EP300: variants seen among roughly 807,000 people sequenced by gnomAD.
The protein encoded by EP300 is histone acetyltransferase p300.
In EP300, 31 loss-of-function variants were observed where a neutral mutation model predicts 264.0. The observed-to-expected ratio is 0.12, with a 90% confidence interval of 0.09 to 0.16. The LOEUF (loss-of-function observed/expected upper bound fraction) is 0.16. Among genes scored for constraint, EP300 ranks in the 10% least tolerant of loss-of-function variants. The pLI is 1.00. For synonymous variants in EP300, 1,340 were observed against 1,045.4 expected (o/e 1.28, Z -5.44); for missense variants, 2,766 against 3,052.9 (o/e 0.91, Z 2.21).
chr22:41,171,009 C>A (rs969994503), intron 27 of EP300, among the ~76,000 whole-genome samples: 16 of 145,896 alleles, frequency 1.1e-4, no homozygotes, highest in Admixed American at 2.8e-4. Context: ...CTACCTCTTG[C>A]ATGTAATTCC....
At chr22:41,138,152 C>G (rs2058962663) in intron 8 of EP300, among the ~76,000 whole-genome samples, 2 of 152,134 alleles carry the variant, frequency 1.3e-5, no homozygotes, top group South Asian at 4.1e-4. Flanking sequence ...TTCTGTTACT[C>G]CTGGTAGAGC....
chr22:41,168,672 C>T (rs375594670), intron 24 of EP300, 49 bp from the exon 25 acceptor site: 21 of 1,614,020 alleles, frequency 1.3e-5, no homozygotes, highest in Admixed American at 1.0e-4. Flanking sequence ...TTGGTGATTC[C>T]AGTCTGAATG....
At chr22:41,109,577 T>C (rs1439171699) in intron 1 of EP300, among the ~76,000 whole-genome samples, 1 of 152,218 alleles carries the variant, frequency 6.6e-6, no homozygotes, top group Non-Finnish European at 1.5e-5. Context: ...TAACAATAGG[T>C]AACATGTTTA....
chr22:41,141,559 T>G (rs2058982350), intron 10 of EP300, among the ~76,000 whole-genome samples: 1 of 152,170 alleles, frequency 6.6e-6, no homozygotes, highest in African/African-American at 2.4e-5. Context: ...AAGTAGCCAG[T>G]AAATGTTTGT....
At chr22:41,135,750 A>G in intron 6 of EP300, 63 bp from the exon 7 acceptor site, 1 of 1,220,162 alleles carries the variant, frequency 8.2e-7, no homozygotes, top group South Asian at 1.2e-5. Flanking sequence ...TTAACTTTAT[A>G]GTATTTATTG....
intron 1 of EP300, among the ~76,000 whole-genome samples, chr22:41,110,863 A>T (rs2058786196): frequency 6.6e-6 from 1 of 151,164 alleles, no homozygotes; most frequent in South Asian, 2.1e-4. Flanking sequence ...AATACTGAGG[A>T]TTTCTAAGTG....
At chr22:41,111,426 G>A (rs1235891344) in intron 1 of EP300, among the ~76,000 whole-genome samples, 2 of 152,144 alleles carry the variant, frequency 1.3e-5, no homozygotes, top group East Asian at 1.9e-4. Context: ...CAACAGTTGT[G>A]TATATTCATG....
chr22:41,124,134 G>C (rs1466219650), intron 2 of EP300, among the ~76,000 whole-genome samples: 7 of 152,224 alleles, frequency 4.6e-5, no homozygotes, highest in Admixed American at 4.6e-4. Flanking sequence ...TGTAGTCCCA[G>C]CTACTCAGGC....
chr22:41,178,856 T>C lies in EP300; in HGVS notation c.7145T>C (p.Met2382Thr), dbSNP rs201231297. The C allele has an allele frequency of 2.5e-6, 4 of 1,614,202 alleles. No homozygotes were observed. The African/African-American group carries it at 4.0e-5, about 16-fold the overall frequency. The change falls in exon 31 of 31, where the codon ATG (methionine) becomes ACG (threonine). Residue 2382 changes from methionine (M) to threonine (T), a missense_variant. Coordinates refer to ENST00000263253, the MANE Select transcript of EP300 (RefSeq NM_001429.4). Reference sequence around the variant, plus strand: ...TCTCAGCTTGCTAGCAATCCAGGCATGGCAAACCTCCATGGTGCAAGCGCC... The same window carrying C: ...TCTCAGCTTGCTAGCAATCCAGGCACGGCAAACCTCCATGGTGCAAGCGCC... ...MLSQLASNPG[M>T]ANLHGASATD...
chr22:41,148,764 A>G (rs1361887629), intron 12 of EP300: 3 of 503,188 alleles, frequency 6.0e-6, no homozygotes, highest in East Asian at 3.6e-5. Flanking sequence ...TGTGCTAGGC[A>G]TATTTGTGTA....
intron 3 of EP300, among the ~76,000 whole-genome samples, chr22:41,126,626 T>G (rs964922915): frequency 6.6e-6 from 1 of 152,074 alleles, no homozygotes; most frequent in Non-Finnish European, 1.5e-5. Flanking sequence ...TTTTGTCCTT[T>G]GTGTCATTAT....
Position 41,168,540 on chromosome 22 carries a change from T to C in EP300, c.3966T>C (p.Thr1322=). 1 of 1,614,188 alleles carries C rather than the reference T, an allele frequency of 6.2e-7. No homozygotes were observed. Among genetic ancestry groups the C allele is most frequent in the Non-Finnish European group, 8.5e-7 (1 of 1,180,002 alleles). The change falls in exon 24 of 31, where the codon ACT becomes ACC. Residue 1322 remains threonine, a synonymous_variant. Coordinates refer to ENST00000263253, the MANE Select transcript of EP300 (RefSeq NM_001429.4). ...RQNHPESGEV[T]VRVVHASDKT... ...ATCACCCTGAGTCAGGAGAGGTCAC[T>C]GTTAGAGTAGTTCATGCTTCTGACA...
intron 17 of EP300, among the ~76,000 whole-genome samples, chr22:41,156,472 A>G (rs934324077): frequency 1.3e-5 from 2 of 152,160 alleles, no homozygotes; most frequent in African/African-American, 2.4e-5. Flanking sequence ...TGTAATCCCA[A>G]CACTTTTGGA....
rs772034350 is a variant in EP300 at position 41,177,622 on chromosome 22, C to T, written c.5911C>T (p.Pro1971Ser). The change falls in exon 31 of 31, where the codon CCC becomes TCC. Residue 1971 changes from proline to serine, a missense_variant. Pro to Ser is a moderately conservative substitution (Grantham distance 74). Transcript: ENST00000263253. ...PMAPMGMNPP[P>S]MTRGPSGHLE... Reference sequence around the variant, plus strand: ...GGCCCCCATGGGTATGAACCCACCTCCCATGACCAGAGGTCCCAGTGGGCA... The same window carrying T: ...GGCCCCCATGGGTATGAACCCACCTTCCATGACCAGAGGTCCCAGTGGGCA... 36 of 1,614,024 alleles carry T rather than the reference C, an allele frequency of 2.2e-5. No homozygotes were observed. The highest frequency in any genetic ancestry group is 1.6e-4 in the Middle Eastern group (1 of 6,084).
chr22:41,108,856 A>G (rs1198835931), intron 1 of EP300, among the ~76,000 whole-genome samples: 3 of 152,210 alleles, frequency 2.0e-5, no homozygotes. Context: ...ACTGTTTTTT[A>G]ATATTTGCCA....
intron 1 of EP300, among the ~76,000 whole-genome samples, chr22:41,098,547 A>G (rs1334182661): frequency 1.3e-5 from 2 of 151,924 alleles, no homozygotes; most frequent in Non-Finnish European, 2.9e-5. Flanking sequence ...AATTTTTTGT[A>G]TTTTTAGTAG....
At position 41,154,218 on chromosome 22, in the gene EP300, C is replaced by T. The variant is rs2059063263; in HGVS notation, c.3143-777C>T. On this transcript the variant is annotated intron_variant, in intron 16 of 30. Coordinates refer to ENST00000263253, the MANE Select transcript of EP300 (RefSeq NM_001429.4). ...GGCTCTAAAATACCAAGCATTTGAA[C>T]GAAGGAGTCTTCTCTTCTGTGCCCC... Among the ~76,000 whole-genome samples, 4 of 151,920 alleles carry T rather than the reference C, an allele frequency of 2.6e-5. No individual in the cohort carries two copies. The South Asian group carries it at 6.2e-4, about 24-fold the overall frequency.
At position 41,129,935 on chromosome 22, in the gene EP300, A is replaced by G. The variant is rs1485326129; in HGVS notation, c.1214A>G (p.Asn405Ser). The G allele has an allele frequency of 1.2e-5, 20 of 1,613,948 alleles. No individual in the cohort carries two copies. Among genetic ancestry groups the G allele is most frequent in the Non-Finnish European group, 1.6e-5 (19 of 1,179,996 alleles). ...CGACAAATCATTTCACACTGGAAGA[A>G]TTGTACAAGACATGATTGTCCTGTG... ...SSRQIISHWK[N>S]CTRHDCPVCL... The change falls in exon 5 of 31, where the codon AAT becomes AGT. Residue 405 changes from asparagine to serine, a missense_variant. Transcript: ENST00000263253.
intron 16 of EP300, among the ~76,000 whole-genome samples, chr22:41,154,376 CTTTTTTTTTTTTTTT>C (rs869304891): frequency 4.9e-5 from 3 of 61,792 alleles, no homozygotes; most frequent in African/African-American, 6.2e-5. Context: ...CTTGTGCACT[CTTTTTTTTTTTTTTT>C]TTTTTTTTGA....
Sources: gnomAD v4.1 joint callset for allele counts (sites outside exome capture counted in the v4.1 genomes callset) on GRCh38, gnomAD v4.1.1 for gene constraint, MANE v1.5 for transcripts, NCBI Gene and HGNC (gene_info 2026-07-23, HGNC 2026-07-21) for gene names.